The following PDZD2 variants were observed in gnomAD, a reference collection of about 807,000 sequenced individuals.
PDZD2 encodes the protein PDZ domain containing 2, also known as PDZ domain-containing protein 2.
PDZD2 carries 90 observed loss-of-function variants against 220.7 expected under a neutral mutation model. The observed-to-expected ratio is 0.41, with a 90% CI of 0.34 to 0.49. The LOEUF (loss-of-function observed/expected upper bound fraction) is 0.49. Ranked by LOEUF, PDZD2 falls within the 20% of genes least tolerant of loss-of-function variation. The pLI, the probability that PDZD2 is intolerant of heterozygous loss-of-function variation, is 0.28. For missense variants in PDZD2, 3,174 were observed against 3,608.5 expected (o/e 0.88, Z 3.08); for synonymous variants, 1,375 against 1,450.5 (o/e 0.95, Z 1.18).
intron 2 of PDZD2, among the ~76,000 whole-genome samples, chr5:31,885,538 TA>T (rs1561541182): frequency 6.6e-6 from 1 of 152,170 alleles, no homozygotes; most frequent in South Asian, 2.1e-4. Flanking sequence ...AAAGAATGAA[TA>T]AAATATGTAA....
chr5:31,822,631 GT>G, intron 2 of PDZD2: 1 of 1,321,874 alleles, frequency 7.6e-7, no homozygotes, highest in Non-Finnish European at 1.0e-6. Context: ...TGATATCCTT[GT>G]TTTTAACCTT....
chr5:32,072,578 A>G (rs1381792227), intron 17 of PDZD2, among the ~76,000 whole-genome samples: 1 of 152,198 alleles, frequency 6.6e-6, no homozygotes, highest in Non-Finnish European at 1.5e-5. Context: ...TAAAAATACA[A>G]AAATTAGCCA....
intron 1 of PDZD2, among the ~76,000 whole-genome samples, chr5:31,673,453 T>C (rs1004543862): frequency 4.6e-5 from 7 of 152,118 alleles, no homozygotes; most frequent in African/African-American, 1.7e-4. Context: ...GGCTCCTTGG[T>C]TTTCCCATAG....
intron 1 of PDZD2, among the ~76,000 whole-genome samples, chr5:31,710,624 C>T (rs1311967749): frequency 6.6e-6 from 1 of 152,062 alleles, no homozygotes; most frequent in Non-Finnish European, 1.5e-5. Flanking sequence ...TTGAGACCAG[C>T]CTGGCCAACA....
chr5:31,910,552 A>G (rs957657033), intron 2 of PDZD2, among the ~76,000 whole-genome samples: 3 of 151,408 alleles, frequency 2.0e-5, no homozygotes, highest in African/African-American at 7.3e-5. Flanking sequence ...CACTACCCCA[A>G]ACTAATTTTT....
intron 2 of PDZD2, among the ~76,000 whole-genome samples, chr5:31,920,675 G>C (rs1200395188): frequency 1.3e-5 from 2 of 152,070 alleles, no homozygotes; most frequent in African/African-American, 4.8e-5. Flanking sequence ...AACCAGGCGT[G>C]GTGGTGTGTA....
At chr5:31,715,639 A>G (rs181316704) in intron 1 of PDZD2, among the ~76,000 whole-genome samples, 1 of 152,374 alleles carries the variant, frequency 6.6e-6, no homozygotes, top group South Asian at 2.1e-4. Context: ...AAAGTTGTTC[A>G]CTAGAAAAGC....
intron 5 of PDZD2, among the ~76,000 whole-genome samples, chr5:32,007,599 C>T (rs1274544125): frequency 6.6e-6 from 1 of 152,204 alleles, no homozygotes; most frequent in African/African-American, 2.4e-5. Context: ...TGCCAGCTTG[C>T]TAATATTCAG....
chr5:32,044,064 C>T (rs1355689414), intron 7 of PDZD2, among the ~76,000 whole-genome samples: 1 of 152,020 alleles, frequency 6.6e-6, no homozygotes, highest in African/African-American at 2.4e-5. Context: ...CTTGGTGGCT[C>T]ATGCCTATAA....
At chr5:31,649,275 T>G (rs1230844349) in intron 1 of PDZD2, among the ~76,000 whole-genome samples, 1 of 152,056 alleles carries the variant, frequency 6.6e-6, no homozygotes, top group Non-Finnish European at 1.5e-5. Flanking sequence ...CTTGCCCCAG[T>G]CCACCTCTCC....
intron 23 of PDZD2, 68 bp from the exon 24 acceptor site, chr5:32,101,037 G>A (rs1448084444): frequency 6.2e-7 from 1 of 1,604,040 alleles, no homozygotes; most frequent in Non-Finnish European, 8.5e-7. Context: ...ATGCATCCTG[G>A]GGGACTTGGA....
chr5:31,993,474 G>GT (rs1554020757), intron 3 of PDZD2, among the ~76,000 whole-genome samples: 38 of 151,942 alleles, frequency 2.5e-4, no homozygotes, highest in East Asian at 5.8e-4. Context: ...CCCAACATCT[G>GT]TTTTTTTTAC....
rs1442875332 is a variant in PDZD2, at chr5:32,088,048, A to G, written c.4600A>G (p.Ser1534Gly). 6 of 1,614,098 alleles carry G rather than the reference A, an allele frequency of 3.7e-6. No individual in the cohort carries two copies. Among genetic ancestry groups the G allele is most frequent in the Admixed American group, 1.7e-5 (1 of 60,036 alleles). The change falls in exon 20 of 25, where the codon AGC becomes GGC. Residue 1534 changes from serine to glycine, a missense_variant. Physicochemically the swap from Ser to Gly is moderately conservative, Grantham distance 56. This residue lies in a region of PDZD2 where 1,861 missense variants were observed against 2,001.0 expected (regional missense o/e 0.93). Transcript: ENST00000438447. The surrounding 1 kb of genome is among the most constrained non-coding windows in gnomAD (Gnocchi z 4.6). ...AAATTTTAGCAGTTTTCATGAAGAC[A>G]GCACCTCCCTATCAGGCCTGGGTGA... is the stretch of plus-strand genomic sequence containing the variant. ...SRNFSSFHED[S>G]TSLSGLGDST... is the part of the protein sequence containing the mutation.
Position 31,992,864 on chromosome 5 carries a change from GA to G in PDZD2, c.979-2697del, listed in dbSNP as rs11442724. On this transcript the variant is annotated intron_variant, in intron 3 of 24. Coordinates refer to ENST00000438447, the MANE Select transcript of PDZD2 (RefSeq NM_178140.4). ...TTCTCTCAAGTGTGCCTCTTCCATG[GA>G]AAAAAAAAAAAAAAGCCACCATCCT... Among the ~76,000 whole-genome samples, 64 of 140,422 alleles carry G rather than the reference GA, an allele frequency of 4.6e-4. 1 individual carries two copies. Among genetic ancestry groups the G allele is most frequent in the East Asian group, 1.5e-3 (7 of 4,680 alleles). 92.1% of individuals were successfully genotyped at this position (140,422 alleles called of 152,430 possible).
intron 1 of PDZD2, among the ~76,000 whole-genome samples, chr5:31,695,034 G>C (rs1747321352): frequency 6.6e-6 from 1 of 151,946 alleles, no homozygotes; most frequent in African/African-American, 2.4e-5. Flanking sequence ...TGCGGCAGGA[G>C]AATTGCTTGA....
intron 2 of PDZD2, among the ~76,000 whole-genome samples, chr5:31,863,488 C>T (rs1737912193): frequency 6.6e-6 from 1 of 152,158 alleles, no homozygotes; most frequent in Admixed American, 6.5e-5. Flanking sequence ...AGATTATATA[C>T]CTGTCTCTTC....
At chr5:32,060,964 C>G (rs201188600) in intron 13 of PDZD2, 38 bp from the exon 14 acceptor site, 1 of 1,611,168 alleles carries the variant, frequency 6.2e-7, no homozygotes, top group Non-Finnish European at 8.5e-7. Flanking sequence ...AAGAAGCTGG[C>G]TGCTAACACA....
At chr5:31,733,212 A>G (rs1215198401) in intron 1 of PDZD2, among the ~76,000 whole-genome samples, 2 of 152,302 alleles carry the variant, frequency 1.3e-5, no homozygotes, top group East Asian at 3.9e-4. Context: ...AAGGGAGTAC[A>G]GGGGCTGCCC....
chr5:32,062,617 C>G (rs759052519), intron 14 of PDZD2, among the ~76,000 whole-genome samples: 4 of 152,142 alleles, frequency 2.6e-5, no homozygotes, highest in Non-Finnish European at 5.9e-5. Flanking sequence ...TGGTCTCGAA[C>G]TCCTGAGCTC....
Sources: allele counts gnomAD v4.1 joint callset (sites outside exome capture counted in the v4.1 genomes callset), GRCh38; gene constraint gnomAD v4.1.1; regional missense constraint gnomAD v4.1.1; non-coding constraint Gnocchi (gnomAD v3.1); transcripts MANE v1.5; gene names NCBI Gene and HGNC (gene_info 2026-07-23, HGNC 2026-07-21).